MMP26: variants seen among roughly 807,000 people sequenced by gnomAD.
The protein encoded by MMP26 is matrix metalloproteinase-26.
MMP26 carries 33 observed loss-of-function variants against 31.0 expected under a neutral mutation model. That is an observed-to-expected ratio of 1.06 (90% CI 0.81 to 1.42). The LOEUF (loss-of-function observed/expected upper bound fraction) is 1.42. MMP26 is among the 40% of genes most tolerant of loss of function. MMP26 has a pLI of 0.00. For synonymous variants in MMP26, 122 were observed against 114.9 expected, an observed-to-expected ratio of 1.06 and a Z score of -0.40; for missense variants, 347 against 316.1, an observed-to-expected ratio of 1.10 and a Z score of -0.74.
chr11:4,878,864 T>C (rs1007141106), intron 2 of MMP26, among the ~76,000 whole-genome samples: 5 of 152,132 alleles, frequency 3.3e-5, no homozygotes, highest in African/African-American at 1.2e-4. Context: ...TGATCTTCCT[T>C]GATACTCACT....
intron 2 of MMP26, chr11:4,769,919 G>A (rs762191739): frequency 1.3e-6 from 2 of 1,556,898 alleles, no homozygotes; most frequent in Non-Finnish European, 1.8e-6. Context: ...GATTTCCATG[G>A]TGTCCTGGTT....
chr11:4,727,743 A>G (rs1158487375), intron 1 of MMP26, among the ~76,000 whole-genome samples: 1 of 152,198 alleles, frequency 6.6e-6, no homozygotes, highest in Non-Finnish European at 1.5e-5. Context: ...CGGGAGGTGG[A>G]GATTGCAGTG....
Position 4,781,606 on chromosome 11 carries a change from A to C in MMP26, c.-145+14265A>C, listed in dbSNP as rs1320475786. On this transcript the variant is annotated intron_variant, in intron 2 of 7. Coordinates refer to ENST00000380390, the MANE Select transcript of MMP26 (RefSeq NM_021801.5). ...AAAAAAAAAAAAAAAAAAAAAAAAA[A>C]ACTGATTGCATAATCAAGTATTAAA... 1.5e-4 allele frequency among the ~76,000 whole-genome samples: 22 copies of C among 142,592 alleles called. 1 individual carries two copies. Among genetic ancestry groups the C allele is most frequent in the Non-Finnish European group, 3.4e-4 (22 of 64,870 alleles). 93.5% of individuals were successfully genotyped at this position (142,592 alleles called of 152,430 possible).
At chr11:4,941,213 T>C (rs1038880635) in intron 2 of MMP26, among the ~76,000 whole-genome samples, 5 of 152,206 alleles carry the variant, frequency 3.3e-5, no homozygotes, top group African/African-American at 1.2e-4. Flanking sequence ...TTACACTACC[T>C]TTACTTTGTA....
intron 2 of MMP26, among the ~76,000 whole-genome samples, chr11:4,889,215 C>A (rs936680162): frequency 2.6e-5 from 4 of 152,020 alleles, no homozygotes; most frequent in African/African-American, 9.7e-5. Flanking sequence ...CCCAAGGATG[C>A]CAAAATCTGA....
At chr11:4,761,314 T>C (rs1469384849) in intron 1 of MMP26, among the ~76,000 whole-genome samples, 1 of 152,256 alleles carries the variant, frequency 6.6e-6, no homozygotes, top group Non-Finnish European at 1.5e-5. Flanking sequence ...CTGTTTCTGA[T>C]CGGAGAGCAG....
intron 2 of MMP26, among the ~76,000 whole-genome samples, chr11:4,788,090 A>G (rs912545653): frequency 9.2e-5 from 14 of 152,206 alleles, no homozygotes; most frequent in African/African-American, 2.9e-4. Flanking sequence ...GTTTGAGGAT[A>G]CATGGATATC....
intron 1 of MMP26, among the ~76,000 whole-genome samples, chr11:4,745,406 A>G (rs1173907743): frequency 6.6e-6 from 1 of 152,236 alleles, no homozygotes; most frequent in African/African-American, 2.4e-5. Context: ...AAAACAAAAT[A>G]TTCAGATGCT....
chr11:4,806,169 G>T (rs753825584), intron 2 of MMP26, among the ~76,000 whole-genome samples: 17 of 152,128 alleles, frequency 1.1e-4, no homozygotes, highest in Non-Finnish European at 2.1e-4. Context: ...GAATAAGTGC[G>T]ATGTGGTGCT....
At chr11:4,853,186 G>C (rs1001110885) in intron 2 of MMP26, among the ~76,000 whole-genome samples, 1 of 152,004 alleles carries the variant, frequency 6.6e-6, no homozygotes, top group East Asian at 1.9e-4. Flanking sequence ...TTTGCCAAAG[G>C]GCACCTCTTA....
At chr11:4,979,531 T>A (rs894479314) in intron 2 of MMP26, among the ~76,000 whole-genome samples, 3 of 152,048 alleles carry the variant, frequency 2.0e-5, no homozygotes, top group African/African-American at 7.2e-5. Flanking sequence ...GTTTAATGAG[T>A]CAGAGCTTTT....
chr11:4,895,422 G>C (rs1032367873), intron 2 of MMP26, among the ~76,000 whole-genome samples: 2 of 152,186 alleles, frequency 1.3e-5, no homozygotes, highest in South Asian at 4.2e-4. Flanking sequence ...ACTGACTTCC[G>C]ACCCTGTGAA....
chr11:4,922,046 C>G (rs972363443), intron 2 of MMP26, among the ~76,000 whole-genome samples: 1 of 152,166 alleles, frequency 6.6e-6, no homozygotes, highest in South Asian at 2.1e-4. Flanking sequence ...ATTTCGAACA[C>G]TATGTCCAGG....
intron 2 of MMP26, among the ~76,000 whole-genome samples, chr11:4,967,138 G>A (rs1381950664): frequency 2.0e-5 from 3 of 152,190 alleles, no homozygotes; most frequent in Non-Finnish European, 4.4e-5. Context: ...GTAATGCCAA[G>A]TCAGAAGGGT....
At chr11:4,792,587 A>T (rs538315425) in intron 2 of MMP26, among the ~76,000 whole-genome samples, 3 of 152,290 alleles carry the variant, frequency 2.0e-5, no homozygotes, top group African/African-American at 4.8e-5. Flanking sequence ...GAATAAGAGA[A>T]CACACACCCC....
intron 2 of MMP26, chr11:4,821,480 C>G (rs762568943): frequency 1.2e-6 from 2 of 1,613,080 alleles, no homozygotes; most frequent in Admixed American, 1.7e-5. Flanking sequence ...ATGGGCATTC[C>G]AGGCCTGAAA....
At chr11:4,747,605 A>G (rs886528020) in intron 1 of MMP26, among the ~76,000 whole-genome samples, 1 of 152,124 alleles carries the variant, frequency 6.6e-6, no homozygotes, top group African/African-American at 2.4e-5. Context: ...ATATTTCATT[A>G]AAAACCTTTT....
At chr11:4,718,772 A>G in intron 1 of MMP26, 1 of 157,808 alleles carries the variant, frequency 6.3e-6, no homozygotes, top group Non-Finnish European at 1.4e-5. Flanking sequence ...ATCGTTACTC[A>G]GCCCAGCCTC....
intron 1 of MMP26, chr11:4,724,017 T>TC: frequency 1.4e-6 from 1 of 693,250 alleles, no homozygotes; most frequent in South Asian, 1.6e-5. Flanking sequence ...CACCATAACC[T>TC]CCACCCAGGC....
Sources: allele counts gnomAD v4.1 joint callset (sites outside exome capture counted in the v4.1 genomes callset), GRCh38; gene constraint gnomAD v4.1.1; transcripts MANE v1.5; gene names NCBI Gene and HGNC (gene_info 2026-07-23, HGNC 2026-07-21).